VSNL1: variants seen among roughly 807,000 people sequenced by gnomAD.
The protein encoded by VSNL1 is visinin like 1, also known as visinin-like protein 1.
A neutral mutation model predicts 20.4 loss-of-function variants in VSNL1; 6 were observed. The ratio of observed to expected loss-of-function variants is 0.29; its 90% CI spans 0.16 to 0.58. The LOEUF is 0.58. Among genes scored for constraint, VSNL1 ranks in the 20% least tolerant of loss-of-function variants. The pLI is 0.90. For synonymous variants in VSNL1, 93 were observed against 86.4 expected, an observed-to-expected ratio of 1.08 and a Z score of -0.42; for missense variants, 100 against 234.5, an observed-to-expected ratio of 0.43 and a Z score of 3.75.
At chr2:17,583,878 T>C (rs1481207604) in intron 1 of VSNL1, among the ~76,000 whole-genome samples, 2 of 152,216 alleles carry the variant, frequency 1.3e-5, no homozygotes, top group African/African-American at 2.4e-5. Flanking sequence ...TGTCTAGGCC[T>C]GAATCTTGAA....
intron 1 of VSNL1, among the ~76,000 whole-genome samples, chr2:17,577,857 T>C (rs1212478490): frequency 6.6e-6 from 1 of 152,172 alleles, no homozygotes; most frequent in East Asian, 1.9e-4. Flanking sequence ...TCATCTCTAA[T>C]CTGACAGAAT....
intron 1 of VSNL1, among the ~76,000 whole-genome samples, chr2:17,586,672 A>G (rs966987406): frequency 2.6e-5 from 4 of 152,186 alleles, no homozygotes; most frequent in African/African-American, 7.2e-5. Context: ...TCTTACAAAC[A>G]TCTGCCAAAC....
chr2:17,612,677 A>AC (rs1419195105), intron 2 of VSNL1, among the ~76,000 whole-genome samples: 1 of 152,144 alleles, frequency 6.6e-6, no homozygotes, highest in East Asian at 1.9e-4. Context: ...AGGAGGTGAG[A>AC]CCAACATCTA....
chr2:17,610,808 T>C (rs1229150467), intron 2 of VSNL1, among the ~76,000 whole-genome samples: 1 of 152,148 alleles, frequency 6.6e-6, no homozygotes, highest in Non-Finnish European at 1.5e-5. Flanking sequence ...TCCTCTGAAC[T>C]CTAGCCAGGC....
At chr2:17,561,523 A>G (rs1272551492) in intron 1 of VSNL1, among the ~76,000 whole-genome samples, 1 of 152,156 alleles carries the variant, frequency 6.6e-6, no homozygotes, top group Non-Finnish European at 1.5e-5. Flanking sequence ...AAGCAATTTT[A>G]CTCCATCTTA....
chr2:17,629,144 C>A (rs556165781), intron 2 of VSNL1, among the ~76,000 whole-genome samples: 3 of 152,348 alleles, frequency 2.0e-5, no homozygotes, highest in African/African-American at 7.2e-5. Context: ...GCTGTCTCCA[C>A]CCACACCCAG....
intron 1 of VSNL1, among the ~76,000 whole-genome samples, chr2:17,549,679 C>G (rs1663481989): frequency 6.6e-6 from 1 of 152,142 alleles, no homozygotes; most frequent in South Asian, 2.1e-4. Context: ...GGGAAAAATG[C>G]TTACTAAATC....
intron 2 of VSNL1, among the ~76,000 whole-genome samples, chr2:17,632,151 G>T (rs1002186378): frequency 6.6e-6 from 1 of 152,138 alleles, no homozygotes; most frequent in African/African-American, 2.4e-5. Context: ...TTACAGGCGT[G>T]AGCCACCACA....
At chr2:17,613,639 A>G (rs1665143824) in intron 2 of VSNL1, among the ~76,000 whole-genome samples, 1 of 152,138 alleles carries the variant, frequency 6.6e-6, no homozygotes, top group Non-Finnish European at 1.5e-5. Context: ...CTCTTCACTC[A>G]TCATTACGCC....
intron 2 of VSNL1, among the ~76,000 whole-genome samples, chr2:17,636,415 T>C (rs1235299956): frequency 6.6e-6 from 1 of 152,214 alleles, no homozygotes; most frequent in Non-Finnish European, 1.5e-5. Context: ...CACCATGACA[T>C]GCACATATTC....
At chr2:17,626,152 T>A (rs1373293439) in intron 2 of VSNL1, among the ~76,000 whole-genome samples, 3 of 152,164 alleles carry the variant, frequency 2.0e-5, no homozygotes, top group African/African-American at 7.2e-5. Flanking sequence ...TCACTATCTC[T>A]GGGCTCCTTG....
intron 1 of VSNL1, among the ~76,000 whole-genome samples, chr2:17,585,392 A>AC (rs1261402082): frequency 2.0e-5 from 3 of 151,832 alleles, no homozygotes; most frequent in Non-Finnish European, 4.4e-5. Context: ...TAAAAAAAAA[A>AC]AAAACATACA....
chr2:17,620,832 C>T (rs1416398852), intron 2 of VSNL1, among the ~76,000 whole-genome samples: 4 of 152,102 alleles, frequency 2.6e-5, no homozygotes, highest in African/African-American at 9.7e-5. Flanking sequence ...AGACTAACCC[C>T]GATAAATTCA....
At chr2:17,613,899 A>G (rs1665150663) in intron 2 of VSNL1, among the ~76,000 whole-genome samples, 1 of 152,242 alleles carries the variant, frequency 6.6e-6, no homozygotes, top group South Asian at 2.1e-4. Flanking sequence ...TTGCTCCAGA[A>G]GAGCCCCCAA....
intron 1 of VSNL1, among the ~76,000 whole-genome samples, chr2:17,574,080 T>C (rs1664144808): frequency 6.6e-6 from 1 of 152,214 alleles, no homozygotes; most frequent in Non-Finnish European, 1.5e-5. Flanking sequence ...GTACTTCTCA[T>C]GCATCTGGTA....
At chr2:17,642,287 G>C (rs1178415658) in intron 2 of VSNL1, among the ~76,000 whole-genome samples, 1 of 135,812 alleles carries the variant, frequency 7.4e-6, no homozygotes, top group African/African-American at 2.7e-5. Flanking sequence ...GATGATTCTG[G>C]CTTTTCCCAT....
At chr2:17,577,547 T>A (rs1664245000) in intron 1 of VSNL1, among the ~76,000 whole-genome samples, 1 of 152,188 alleles carries the variant, frequency 6.6e-6, no homozygotes, top group African/African-American at 2.4e-5. Context: ...GCCCATAAAT[T>A]CTGCATGTAT....
intron 2 of VSNL1, among the ~76,000 whole-genome samples, chr2:17,632,916 A>G (rs1003631707): frequency 6.6e-6 from 1 of 152,186 alleles, no homozygotes; most frequent in African/African-American, 2.4e-5. Context: ...CCCTTTGGGA[A>G]GCCAAGGCAG....
At chr2:17,644,171 G>T (rs1027168216) in intron 2 of VSNL1, among the ~76,000 whole-genome samples, 3 of 152,188 alleles carry the variant, frequency 2.0e-5, no homozygotes, top group Admixed American at 1.3e-4. Context: ...AGGCCTCATG[G>T]ATGTGAAGAG....
Sources: allele counts gnomAD v4.1 joint callset (sites outside exome capture counted in the v4.1 genomes callset), GRCh38; gene constraint gnomAD v4.1.1; transcripts MANE v1.5; gene names NCBI Gene and HGNC (gene_info 2026-07-23, HGNC 2026-07-21).